The following COL24A1 variants were observed in gnomAD, a reference collection of about 807,000 sequenced individuals.
COL24A1 encodes collagen alpha-1(XXIV) chain.
A neutral mutation model predicts 253.9 loss-of-function variants in COL24A1; 224 were observed. The observed-to-expected ratio is 0.88, with a 90% confidence interval of 0.79 to 0.99. The LOEUF (loss-of-function observed/expected upper bound fraction) is 0.99. COL24A1 is among the 50% of genes least tolerant of loss of function. The probability of loss-of-function intolerance (pLI) is 0.00; values close to 1 mark genes in which losing one functional copy is unlikely to be tolerated. For missense variants in COL24A1, 2,131 were observed against 2,068.5 expected (o/e 1.03, Z -0.59); for synonymous variants, 685 against 673.7 (o/e 1.02, Z -0.26).
chr1:85,925,498 G>A (rs1175266707), intron 24 of COL24A1, among the ~76,000 whole-genome samples: 2 of 152,136 alleles, frequency 1.3e-5, no homozygotes, highest in Non-Finnish European at 2.9e-5. Flanking sequence ...GAACAGAACA[G>A]AGCCCTCAGA....
intron 47 of COL24A1, among the ~76,000 whole-genome samples, chr1:85,807,175 G>A (rs313740): frequency 0.46 from 70,003 of 151,958 alleles, 16,423 homozygotes; most frequent in East Asian, 0.58. Flanking sequence ...GCCTGGACTC[G>A]ATTGTGGCCT....
intron 19 of COL24A1, among the ~76,000 whole-genome samples, chr1:86,003,062 T>C (rs1695591877): frequency 6.6e-6 from 1 of 152,086 alleles, no homozygotes; most frequent in African/African-American, 2.4e-5. Context: ...GGTATTATGG[T>C]GGGAGAAGAT....
intron 37 of COL24A1, among the ~76,000 whole-genome samples, chr1:85,865,876 A>G (rs1679731131): frequency 6.6e-6 from 1 of 152,194 alleles, no homozygotes; most frequent in Admixed American, 6.5e-5. Flanking sequence ...TGAGTCCTCT[A>G]ACAAAGATGA....
chr1:86,110,850 G>A lies in COL24A1; in HGVS notation c.1599+1717C>T, dbSNP rs1293742655. On this transcript the variant is annotated intron_variant, in intron 5 of 59. Transcript: ENST00000370571. The stretch of plus-strand genomic sequence containing the variant: ...CCCCACACCCCATGGGCTGCCGCGC[G>A]GCCCAAGCCTCCCCAGTGGGGGCTC... Among the ~76,000 whole-genome samples the A allele has an allele frequency of 6.0e-5, 9 of 148,936 alleles. No individual in the cohort carries two copies. In the South Asian group the frequency reaches 6.8e-4, roughly 11 times the overall value.
At chr1:85,836,338 G>A (rs1676004333) in intron 43 of COL24A1, among the ~76,000 whole-genome samples, 1 of 152,188 alleles carries the variant, frequency 6.6e-6, no homozygotes, top group African/African-American at 2.4e-5. Context: ...CAATGTGAAT[G>A]TACTAAATGT....
chr1:85,780,445 C>T (rs1669032348), intron 52 of COL24A1, among the ~76,000 whole-genome samples: 1 of 152,114 alleles, frequency 6.6e-6, no homozygotes, highest in Non-Finnish European at 1.5e-5. Context: ...CATCACTTGA[C>T]CAATCATTGT....
chr1:85,908,676 GA>G (rs1451911538), intron 26 of COL24A1, 25 bp from the exon 27 acceptor site: 1 of 1,151,140 alleles, frequency 8.7e-7, no homozygotes, highest in Non-Finnish European at 1.2e-6. Flanking sequence ...AAATATAAAA[GA>G]AGTAAAATAT....
intron 7 of COL24A1, among the ~76,000 whole-genome samples, chr1:86,076,688 A>G (rs1183248599): frequency 6.6e-6 from 1 of 151,486 alleles, no homozygotes; most frequent in Non-Finnish European, 1.5e-5. Flanking sequence ...AAGTAACACC[A>G]TACATCTACA....
intron 19 of COL24A1, among the ~76,000 whole-genome samples, chr1:86,014,300 TACTG>T (rs543964405): frequency 9.8e-4 from 150 of 152,350 alleles, no homozygotes; most frequent in African/African-American, 3.4e-3. Context: ...AAATTTATTT[TACTG>T]ACTTTTTATT....
intron 39 of COL24A1, among the ~76,000 whole-genome samples, 160 bp from the exon 40 acceptor site, chr1:85,842,553 G>T (rs1301415286): frequency 1.3e-5 from 2 of 151,728 alleles, no homozygotes; most frequent in African/African-American, 4.8e-5. Flanking sequence ...CCCAACTTTT[G>T]TCTATTTTTT....
At chr1:85,764,984 T>C (rs531424016) in intron 53 of COL24A1, among the ~76,000 whole-genome samples, 2 of 152,338 alleles carry the variant, frequency 1.3e-5, no homozygotes, top group South Asian at 2.1e-4. Context: ...ATTTAAAGTC[T>C]GTACAAATGT....
intron 24 of COL24A1, among the ~76,000 whole-genome samples, chr1:85,946,993 C>G (rs545585513): frequency 6.6e-6 from 1 of 152,278 alleles, no homozygotes; most frequent in South Asian, 2.1e-4. Context: ...AGGGATAATT[C>G]TGAGTTTCGA....
chr1:85,758,985 C>T lies in COL24A1; in HGVS notation c.4437+2411G>A, dbSNP rs562182117. Among the ~76,000 whole-genome samples the T allele has an allele frequency of 4.6e-3, 135 of 29,134 alleles. 1 individual carries two copies. The East Asian group carries it at 0.12, about 27-fold the overall frequency. 19.1% of individuals were successfully genotyped at this position (29,134 alleles called of 152,430 possible). A position where few individuals can be genotyped will look rare whatever the true frequency, so the allele number is the denominator to read the frequency against. On this transcript the variant is annotated intron_variant, in intron 55 of 59. Transcript: ENST00000370571. ...GAAACTCCATATCTATTAAGCAGTC[C>T]CTCCCCAATATTTTTCTATTCTATT... is the stretch of plus-strand genomic sequence containing the variant.
At chr1:85,882,038 A>C (rs1037513370) in intron 32 of COL24A1, among the ~76,000 whole-genome samples, 2 of 152,210 alleles carry the variant, frequency 1.3e-5, no homozygotes, top group African/African-American at 4.8e-5. Context: ...TTTAGTTCAA[A>C]ATATTTTTAA....
chr1:85,761,166 C>T (rs1056028383), intron 55 of COL24A1, among the ~76,000 whole-genome samples: 4 of 152,124 alleles, frequency 2.6e-5, no homozygotes, highest in Non-Finnish European at 4.4e-5. Flanking sequence ...TTACTCAACA[C>T]TTGAAACCAC....
chr1:86,016,232 CA>C (rs2101222147), intron 19 of COL24A1, among the ~76,000 whole-genome samples: 1 of 152,102 alleles, frequency 6.6e-6, no homozygotes, highest in South Asian at 2.1e-4. Context: ...TAAGAATAGG[CA>C]TTTTCTAAAG....
intron 47 of COL24A1, among the ~76,000 whole-genome samples, chr1:85,802,172 A>C (rs1004985724): frequency 1.3e-5 from 2 of 152,186 alleles, no homozygotes; most frequent in African/African-American, 4.8e-5. Context: ...GGAATCCATT[A>C]AAAATGTAAA....
At chr1:85,864,299 G>C (rs1204819384) in intron 37 of COL24A1, among the ~76,000 whole-genome samples, 1 of 149,624 alleles carries the variant, frequency 6.7e-6, no homozygotes, top group East Asian at 2.0e-4. Context: ...CTATCGCAAG[G>C]ACAAAAAACC....
At chr1:85,850,455 C>A (rs1677633140) in intron 37 of COL24A1, among the ~76,000 whole-genome samples, 1 of 152,162 alleles carries the variant, frequency 6.6e-6, no homozygotes, top group Non-Finnish European at 1.5e-5. Context: ...AGAAAATGCT[C>A]TTCTAGCCTC....
Sources: allele counts gnomAD v4.1 joint callset (sites outside exome capture counted in the v4.1 genomes callset), GRCh38; gene constraint gnomAD v4.1.1; transcripts MANE v1.5; gene names NCBI Gene and HGNC (gene_info 2026-07-23, HGNC 2026-07-21).